The following AASDH variants were observed in gnomAD, a reference collection of about 807,000 sequenced individuals.
The protein encoded by AASDH is aminoadipate-semialdehyde dehydrogenase, also known as beta-alanine-activating enzyme.
A neutral mutation model predicts 102.3 loss-of-function variants in AASDH; 81 were observed. The observed-to-expected ratio is 0.79, with a 90% CI of 0.66 to 0.95. The LOEUF (loss-of-function observed/expected upper bound fraction) is 0.95. Among genes scored for constraint, AASDH ranks in the 40% least tolerant of loss-of-function variants. The pLI, the probability that AASDH is intolerant of heterozygous loss-of-function variation, is 0.00. For missense variants in AASDH, 1,203 were observed against 1,266.2 expected (o/e 0.95, Z 0.76); for synonymous variants, 398 against 454.0 (o/e 0.88, Z 1.57).
chr4:56,374,790 C>T (rs1263666240), intron 4 of AASDH, among the ~76,000 whole-genome samples: 2 of 152,112 alleles, frequency 1.3e-5, no homozygotes, highest in African/African-American at 4.8e-5. Flanking sequence ...TACTGCGTCA[C>T]AGATGGTAGA....
intron 5 of AASDH, among the ~76,000 whole-genome samples, chr4:56,357,829 C>T (rs1577998944): frequency 6.6e-6 from 1 of 151,732 alleles, no homozygotes; most frequent in African/African-American, 2.4e-5. Context: ...TGGATCAGGA[C>T]TGGGTTTCAC....
chr4:56,339,125 C>T (rs919519846), intron 14 of AASDH, among the ~76,000 whole-genome samples: 2 of 151,770 alleles, frequency 1.3e-5, no homozygotes, highest in Non-Finnish European at 2.9e-5. Context: ...ATTGAGTTTT[C>T]AATATTATCT....
intron 8 of AASDH, 152 bp downstream of exon 8, chr4:56,353,887 G>C: frequency 1.5e-6 from 1 of 673,154 alleles, no homozygotes; most frequent in Non-Finnish European, 2.3e-6. Flanking sequence ...GGGATAAGGG[G>C]CACCCTGAAT....
chr4:56,359,549 C>T lies in AASDH; in HGVS notation c.862-4126G>A, dbSNP rs191738533. 1.8e-4 allele frequency among the ~76,000 whole-genome samples: 28 copies of T among 151,760 alleles called. 1 individual carries two copies. Among genetic ancestry groups the T allele is most frequent in the African/African-American group, 4.8e-4 (20 of 41,370 alleles). ...GGAGTATAGGCGTGAGTCACCTCAC[C>T]GTGCCCGGCCTTATGTTCTTTTTTT... On this transcript the variant is annotated intron_variant, in intron 5 of 14. Transcript: ENST00000205214.
chr4:56,373,433 G>A (rs12331419), intron 4 of AASDH, among the ~76,000 whole-genome samples: 2,022 of 152,170 alleles, frequency 0.013, 40 homozygotes, highest in African/African-American at 0.044. Flanking sequence ...GTGAGCCACC[G>A]CGCCTGGCCT....
chr4:56,339,002 C>T (rs2109830382), intron 14 of AASDH, among the ~76,000 whole-genome samples: 1 of 152,236 alleles, frequency 6.6e-6, no homozygotes, highest in South Asian at 2.1e-4. Flanking sequence ...ACAAAATATA[C>T]TGGAGTGTTG....
chr4:56,360,422 T>C (rs1750158080), intron 5 of AASDH, among the ~76,000 whole-genome samples: 1 of 152,224 alleles, frequency 6.6e-6, no homozygotes, highest in African/African-American at 2.4e-5. Context: ...TACTGACTAT[T>C]ACAAATTAAG....
chr4:56,346,631 A>G (rs1748363119), intron 11 of AASDH, among the ~76,000 whole-genome samples: 1 of 152,216 alleles, frequency 6.6e-6, no homozygotes, highest in Non-Finnish European at 1.5e-5. Flanking sequence ...TATCTGATAA[A>G]TGATTTATAT....
intron 5 of AASDH, 83 bp from the exon 6 acceptor site, chr4:56,355,506 A>G: frequency 1.5e-6 from 2 of 1,322,400 alleles, no homozygotes; most frequent in Non-Finnish European, 2.0e-6. Flanking sequence ...TTCAAAGTTA[A>G]CATTTGGAGC....
At position 56,349,943 on chromosome 4, in the gene AASDH, A is replaced by C. The variant is rs756107594; in HGVS notation, c.1808T>G (p.Val603Gly). 8.1e-6 allele frequency: 13 copies of C among 1,613,952 alleles called. 1 individual carries two copies. In the South Asian group the frequency reaches 1.3e-4, roughly 16 times the overall value. Residue 603 changes from valine (V) to glycine (G), a missense_variant, in exon 11 of 15, where the codon GTT (valine) becomes GGT (glycine). Val to Gly is a moderately radical substitution (Grantham distance 109). Transcript: ENST00000205214. Reference protein sequence around the residue: ...IRLLSEIEKLVGTSVPGLLEI... With the variant: ...IRLLSEIEKLGGTSVPGLLEI... ...CAGAAGCCCAGGTACTGATGTACCA[A>C]CAAGTTTTTCAATCTCACTGAGGAG...
At chr4:56,358,667 G>A (rs982296740) in intron 5 of AASDH, among the ~76,000 whole-genome samples, 2 of 151,968 alleles carry the variant, frequency 1.3e-5, no homozygotes, top group Non-Finnish European at 2.9e-5. Context: ...ATTTTTGGAT[G>A]TTAAACCAAA....
chr4:56,359,446 T>C (rs952206847), intron 5 of AASDH, among the ~76,000 whole-genome samples: 1 of 151,528 alleles, frequency 6.6e-6, no homozygotes, highest in African/African-American at 2.4e-5. Context: ...ATTTTTTTAG[T>C]AGAGACGAGG....
Position 56,355,164 on chromosome 4 carries a change from T to C in AASDH, c.1103+18A>G. 6.2e-7 allele frequency: 1 copy of C among 1,611,478 alleles called. No homozygotes were observed. The highest frequency in any genetic ancestry group is 8.5e-7 in the Non-Finnish European group (1 of 1,179,118). The stretch of plus-strand genomic sequence containing the variant: ...TATACAGTCTCTCTTCTCTATATAG[T>C]ACAATGAAAACCCTTACTTGAGAGT... On this transcript the variant is annotated intron_variant, in intron 6 of 14. Coordinates refer to ENST00000205214, the MANE Select transcript of AASDH (RefSeq NM_181806.4).
chr4:56,385,602 G>C (rs563501580), intron 1 of AASDH, among the ~76,000 whole-genome samples: 1 of 152,050 alleles, frequency 6.6e-6, no homozygotes, highest in Non-Finnish European at 1.5e-5. Context: ...CTTCAGTAAA[G>C]TTTTTGTTTG....
intron 5 of AASDH, among the ~76,000 whole-genome samples, chr4:56,370,050 C>T (rs556260232): frequency 6.3e-4 from 96 of 152,076 alleles, no homozygotes; most frequent in African/African-American, 2.2e-3. Context: ...TTGTGTCTCC[C>T]CCTCAAATTT....
intron 5 of AASDH, among the ~76,000 whole-genome samples, chr4:56,359,005 A>G (rs1427803373): frequency 6.6e-6 from 1 of 152,202 alleles, no homozygotes; most frequent in Non-Finnish European, 1.5e-5. Flanking sequence ...ATACATGTAT[A>G]ACTGTTACAT....
Position 56,354,058 on chromosome 4 carries a change from T to G in AASDH, c.1364A>C (p.Asn455Thr). ...SQIKRHGKRLNIELVQQVAEE... is the reference protein window; with the variant it reads ...SQIKRHGKRLTIELVQQVAEE... ...TTCTACCTGTTGCACAAGTTCAATG[T>G]TAAGACGTTTGCCATGACGTTTGAT... Residue 455 changes from asparagine (N) to threonine (T), a missense_variant, in exon 8 of 15, where the codon AAC becomes ACC. Coordinates refer to ENST00000205214, the MANE Select transcript of AASDH (RefSeq NM_181806.4). 1.2e-6 allele frequency: 2 copies of G among 1,611,750 alleles called. No individual in the cohort carries two copies. Among genetic ancestry groups the G allele is most frequent in the African/African-American group, 2.7e-5 (2 of 74,974 alleles).
intron 14 of AASDH, among the ~76,000 whole-genome samples, chr4:56,342,044 G>A (rs940192297): frequency 7.3e-5 from 11 of 150,664 alleles, no homozygotes; most frequent in Admixed American, 1.3e-4. Flanking sequence ...CCCGTGAGGC[G>A]GAGGTTGCAG....
chr4:56,357,628 T>C (rs1318450192), intron 5 of AASDH, among the ~76,000 whole-genome samples: 1 of 149,320 alleles, frequency 6.7e-6, no homozygotes, highest in Non-Finnish European at 1.5e-5. Context: ...TCCATTAATA[T>C]AAATTATATA....
Sources: allele counts gnomAD v4.1 joint callset (sites outside exome capture counted in the v4.1 genomes callset), GRCh38; gene constraint gnomAD v4.1.1; transcripts MANE v1.5; gene names NCBI Gene and HGNC (gene_info 2026-07-23, HGNC 2026-07-21).